SLC44A3: variants seen among roughly 807,000 people sequenced by gnomAD.
The protein encoded by SLC44A3 is choline transporter-like protein 3.
In SLC44A3, 74 loss-of-function variants were observed where a neutral mutation model predicts 75.4. The observed-to-expected ratio is 0.98, with a 90% CI of 0.81 to 1.19. The LOEUF (loss-of-function observed/expected upper bound fraction) is 1.19, where lower values mean the gene tolerates loss of function less well. Among genes scored for constraint, SLC44A3 ranks in the 50% most tolerant of loss-of-function variants. SLC44A3 has a pLI of 0.00. For synonymous variants in SLC44A3, 310 were observed against 296.9 expected (o/e 1.04, Z -0.45); for missense variants, 700 against 778.6 (o/e 0.90, Z 1.20).
intron 9 of SLC44A3, among the ~76,000 whole-genome samples, chr1:94,848,595 T>C (rs1356711832): frequency 6.6e-6 from 1 of 152,064 alleles, no homozygotes; most frequent in Non-Finnish European, 1.5e-5. Context: ...CTAGACCCCA[T>C]GATGTTTTGG....
chr1:94,886,969 G>A (rs773014801), intron 12 of SLC44A3, among the ~76,000 whole-genome samples: 3 of 151,958 alleles, frequency 2.0e-5, no homozygotes, highest in African/African-American at 7.3e-5. Context: ...AAAGAAGTAT[G>A]CACACTGAAT....
intron 2 of SLC44A3, among the ~76,000 whole-genome samples, chr1:94,822,551 G>A (rs955479626): frequency 2.7e-5 from 4 of 148,572 alleles, no homozygotes; most frequent in African/African-American, 9.9e-5. Flanking sequence ...TGTCCTGACT[G>A]GTGATGGTGT....
At chr1:94,821,262 G>A (rs144233628) in intron 2 of SLC44A3, among the ~76,000 whole-genome samples, 231 of 152,304 alleles carry the variant, frequency 1.5e-3, no homozygotes, top group African/African-American at 5.0e-3. Context: ...GTTCTAAGGG[G>A]TGACTCCATT....
At chr1:94,883,443 C>A (rs1669217974) in intron 12 of SLC44A3, among the ~76,000 whole-genome samples, 1 of 152,110 alleles carries the variant, frequency 6.6e-6, no homozygotes, top group African/African-American at 2.4e-5. Context: ...GAGGTTGAGG[C>A]TGTAGTGAGC....
At chr1:94,858,275 A>G (rs941200315) in intron 10 of SLC44A3, among the ~76,000 whole-genome samples, 2 of 152,176 alleles carry the variant, frequency 1.3e-5, no homozygotes, top group East Asian at 1.9e-4. Flanking sequence ...TTGCTTGGGG[A>G]AAAAAATTAA....
In SLC44A3 at chr1:94,820,960, A is replaced by G. The variant is rs1660487445; in HGVS notation, c.39A>G (p.Glu13=). 2.3e-5 allele frequency: 36 copies of G among 1,551,184 alleles called. No individual in the cohort carries two copies. Among genetic ancestry groups the G allele is most frequent in the Non-Finnish European group, 3.1e-5 (36 of 1,146,622 alleles). Residue 13 remains glutamate (E), a synonymous_variant, in exon 2 of 15, where the codon GAA becomes GAG. Coordinates refer to ENST00000271227, the MANE Select transcript of SLC44A3 (RefSeq NM_001114106.3). Reference sequence around the variant, plus strand: ...CCTTTTTCTGGAAGGTTTCTGCAGAAGGAGCCCCTAGGCAAAGGGAGTGGC... The same window carrying G: ...CCTTTTTCTGGAAGGTTTCTGCAGAGGGAGCCCCTAGGCAAAGGGAGTGGC... The part of the protein sequence containing the change: ...CLGAEYLVSA[E]GAPRQREWRP...
chr1:94,881,414 G>A (rs1326207512), intron 12 of SLC44A3, among the ~76,000 whole-genome samples: 1 of 152,212 alleles, frequency 6.6e-6, no homozygotes, highest in African/African-American at 2.4e-5. Context: ...ATTCTCTTAA[G>A]AACCAATCGG....
chr1:94,875,599 A>G (rs983209362), intron 12 of SLC44A3, among the ~76,000 whole-genome samples: 1 of 148,970 alleles, frequency 6.7e-6, no homozygotes. Context: ...GCAGAAATCT[A>G]TGTAAATCTC....
intron 14 of SLC44A3, among the ~76,000 whole-genome samples, chr1:94,894,265 A>G (rs1350718996): frequency 6.6e-6 from 1 of 152,228 alleles, no homozygotes; most frequent in Non-Finnish European, 1.5e-5. Context: ...GCACTTTGAC[A>G]TGCTGAACTG....
chr1:94,820,817 AAAT>A, intron 1 of SLC44A3, 129 bp from the exon 2 acceptor site: 1 of 1,303,528 alleles, frequency 7.7e-7, no homozygotes, highest in Non-Finnish European at 1.0e-6. Context: ...CCACGTAAAA[AAAT>A]AATATTAATT....
At position 94,894,969 on chromosome 1, in the gene SLC44A3, C is replaced by G. The variant is rs1290889505; in HGVS notation, c.*47C>G. On this transcript the variant is annotated 3_prime_UTR_variant, in exon 15 of 15. Transcript: ENST00000271227. ...CCTGGAAAACATTTCCTTCTAAGAG[C>G]CATTTACAGAATAGAAGATGAGACC... is the stretch of plus-strand genomic sequence containing the variant. 1 of 1,461,750 alleles carries G rather than the reference C, an allele frequency of 6.8e-7. No individual in the cohort carries two copies. The highest frequency in any genetic ancestry group is 2.4e-5 in the East Asian group (1 of 41,322). The allele number at this position is 1,461,750 out of a possible 1,614,324, so 90.5% of individuals were successfully genotyped here. A position where few individuals can be genotyped will look rare whatever the true frequency, so the allele number is the denominator to read the frequency against.
In SLC44A3 at chr1:94,892,388, C is replaced by A; in HGVS notation, c.1728C>A (p.Tyr576Ter). The change falls in exon 14 of 15, where the codon TAC becomes TAA. Residue 576 changes from tyrosine to a stop codon, truncating the protein, a stop_gained. Coordinates refer to ENST00000271227, the MANE Select transcript of SLC44A3 (RefSeq NM_001114106.3). LOFTEE classifies it high-confidence loss of function. Reference protein sequence around the residue: ...VPLLLVAFFAYLVAHSFLSVF... With the variant: ...VPLLLVAFFA ...TGTTATTGGTAGCTTTTTTTGCCTA[C>A]TTAGTAGCCCATAGTTTTTTATCTG... 6.2e-7 allele frequency: 1 copy of A among 1,614,158 alleles called. No individual in the cohort carries two copies. The highest frequency in any genetic ancestry group is 8.5e-7 in the Non-Finnish European group (1 of 1,180,014).
At chr1:94,857,912 C>G (rs1012238434) in intron 10 of SLC44A3, among the ~76,000 whole-genome samples, 1 of 146,086 alleles carries the variant, frequency 6.8e-6, no homozygotes, top group East Asian at 2.1e-4. Context: ...CTCCTGGGTT[C>G]GAGCGATTCT....
At chr1:94,837,912 A>C (rs1663041595) in intron 6 of SLC44A3, 41 bp downstream of exon 6, 1 of 1,507,132 alleles carries the variant, frequency 6.6e-7, no homozygotes, top group African/African-American at 1.4e-5. Flanking sequence ...TGTTTATGGA[A>C]TGCCAAAGTT....
rs892601586 is a variant in SLC44A3, at chr1:94,820,635, C to T, written c.27+157C>T. On this transcript the variant is annotated intron_variant, in intron 1 of 14. Coordinates refer to ENST00000271227, the MANE Select transcript of SLC44A3 (RefSeq NM_001114106.3). ...CTTGGGGCCACCTGGCGGGGAGGAA[C>T]CTGGACCCTGCTCCAGTGCTGGGGC... is the stretch of plus-strand genomic sequence containing the variant. 3.6e-6 allele frequency: 5 copies of T among 1,383,692 alleles called. No homozygotes were observed. The African/African-American group carries it at 7.5e-5, about 21-fold the overall frequency. 85.7% of individuals were successfully genotyped at this position (1,383,692 alleles called of 1,614,324 possible).
chr1:94,895,016 T>G lies in SLC44A3; in HGVS notation c.*94T>G. 1 of 990,266 alleles carries G rather than the reference T, an allele frequency of 1.0e-6. No individual in the cohort carries two copies. Among genetic ancestry groups the G allele is most frequent in the African/African-American group, 1.6e-5 (1 of 60,640 alleles). 61.3% of individuals were successfully genotyped at this position (990,266 alleles called of 1,614,324 possible). ...GACCACTAGAGAAAAGTTAGTGAAT[T>G]TTTTTTTAAAAGACCTAATAAACCC... On this transcript the variant is annotated 3_prime_UTR_variant, in exon 15 of 15. Transcript: ENST00000271227.
At chr1:94,888,678 C>G (rs1301820748) in intron 12 of SLC44A3, 1 of 984,120 alleles carries the variant, frequency 1.0e-6, no homozygotes, top group Non-Finnish European at 1.2e-6. Flanking sequence ...TGACGTCTCA[C>G]TGAAAATCTC....
At chr1:94,857,174 T>C (rs1665977871) in intron 9 of SLC44A3, among the ~76,000 whole-genome samples, 161 bp from the exon 10 acceptor site, 1 of 152,274 alleles carries the variant, frequency 6.6e-6, no homozygotes, top group Admixed American at 6.5e-5. Flanking sequence ...TGTGTGTTTT[T>C]GATTTTGATT....
At chr1:94,828,667 T>C in intron 5 of SLC44A3, 81 bp downstream of exon 5, 1 of 1,277,704 alleles carries the variant, frequency 7.8e-7, no homozygotes, top group Non-Finnish European at 1.1e-6. Context: ...CTTCTAGGCA[T>C]TGTGGGAAGG....
Sources: gnomAD v4.1 joint callset for allele counts (sites outside exome capture counted in the v4.1 genomes callset) on GRCh38, gnomAD v4.1.1 for gene constraint, MANE v1.5 for transcripts, NCBI Gene and HGNC (gene_info 2026-07-23, HGNC 2026-07-21) for gene names.